TOPAZ1: variants seen among roughly 807,000 people sequenced by gnomAD.
TOPAZ1 encodes the protein testis and ovary specific TOPAZ 1, also known as protein TOPAZ1.
A neutral mutation model predicts 172.2 loss-of-function variants in TOPAZ1; 66 were observed. The ratio of observed to expected loss-of-function variants is 0.38; its 90% CI spans 0.31 to 0.47. The LOEUF (loss-of-function observed/expected upper bound fraction) is 0.47. TOPAZ1 is among the 20% of genes least tolerant of loss of function. The pLI is 0.99. For missense variants in TOPAZ1, 1,822 were observed against 1,972.4 expected (o/e 0.92, Z 1.44); for synonymous variants, 681 against 683.9 (o/e 1.00, Z 0.07).
At chr3:44,302,114 T>G (rs933430785) in intron 12 of TOPAZ1, among the ~76,000 whole-genome samples, 5 of 152,172 alleles carry the variant, frequency 3.3e-5, no homozygotes, top group African/African-American at 1.2e-4. Context: ...CAACATGTAT[T>G]AAAATATCCA....
At chr3:44,292,479 A>T (rs1700148251) in intron 12 of TOPAZ1, among the ~76,000 whole-genome samples, 1 of 152,170 alleles carries the variant, frequency 6.6e-6, no homozygotes, top group Non-Finnish European at 1.5e-5. Flanking sequence ...AACAGATGTT[A>T]ATCTCGCACC....
At chr3:44,303,447 T>C (rs1258294142) in intron 12 of TOPAZ1, among the ~76,000 whole-genome samples, 1 of 151,314 alleles carries the variant, frequency 6.6e-6, no homozygotes, top group Non-Finnish European at 1.5e-5. Context: ...AGATCCTTCC[T>C]TGTGGTTCTG....
In TOPAZ1 at chr3:44,254,937, T is replaced by C; in HGVS notation, c.2766-31T>C. ...GGATAGTTCTGCTTAGAATCTATTA[T>C]AATGTTTAAGCTCTGTTTGCTTTAT... On this transcript the variant is annotated intron_variant, in intron 2 of 19. Transcript: ENST00000309765. 3 of 1,494,382 alleles carry C rather than the reference T, an allele frequency of 2.0e-6. No individual in the cohort carries two copies. The South Asian group carries it at 3.7e-5, about 18-fold the overall frequency. 92.6% of individuals were successfully genotyped at this position (1,494,382 alleles called of 1,614,324 possible).
In TOPAZ1 at chr3:44,292,852, G is replaced by A. The variant is rs1565213; in HGVS notation, c.3797+1966G>A. Reference sequence around the variant, plus strand: ...ATGCTATACATTTCTGTTAACTGTAGTTGCCCTATTGTGCTTTCAAACACA... The same window carrying A: ...ATGCTATACATTTCTGTTAACTGTAATTGCCCTATTGTGCTTTCAAACACA... On this transcript the variant is annotated intron_variant, in intron 12 of 19. Coordinates refer to ENST00000309765, the MANE Select transcript of TOPAZ1 (RefSeq NM_001145030.2). Among the ~76,000 whole-genome samples, 1,352 of 152,236 alleles carry A rather than the reference G, an allele frequency of 8.9e-3. 20 individuals are homozygous for A. The highest frequency in any genetic ancestry group is 0.031 in the African/African-American group (1,305 of 41,530).
chr3:44,259,521 A>ACTATTCATATT (rs1699752318), intron 4 of TOPAZ1, among the ~76,000 whole-genome samples: 1 of 152,204 alleles, frequency 6.6e-6, no homozygotes, highest in African/African-American at 2.4e-5. Context: ...TAATCTAACA[A>ACTATTCATATT]GTCCCACTAT....
chr3:44,266,129 G>T (rs1699827934), intron 5 of TOPAZ1, among the ~76,000 whole-genome samples: 2 of 152,142 alleles, frequency 1.3e-5, no homozygotes, highest in Non-Finnish European at 2.9e-5. Context: ...AACCAATTTT[G>T]CTAGCTTCAT....
chr3:44,279,313 TG>T (rs1160465366), intron 8 of TOPAZ1, among the ~76,000 whole-genome samples: 1 of 152,236 alleles, frequency 6.6e-6, no homozygotes, highest in African/African-American at 2.4e-5. Context: ...TGAAATGTTC[TG>T]TAAATGTCTG....
chr3:44,267,206 A>C, intron 6 of TOPAZ1, 70 bp downstream of exon 6: 1 of 1,281,158 alleles, frequency 7.8e-7, no homozygotes, highest in Non-Finnish European at 1.0e-6. Flanking sequence ...TTTTTCTACC[A>C]AAAACAAAAA....
At chr3:44,271,080 G>A (rs1699891334) in intron 8 of TOPAZ1, among the ~76,000 whole-genome samples, 1 of 152,130 alleles carries the variant, frequency 6.6e-6, no homozygotes, top group African/African-American at 2.4e-5. Flanking sequence ...ATTGGGTGGA[G>A]CAGATTTGGA....
chr3:44,290,165 A>G (rs930572411), intron 11 of TOPAZ1, among the ~76,000 whole-genome samples: 11 of 152,188 alleles, frequency 7.2e-5, no homozygotes, highest in African/African-American at 2.7e-4. Flanking sequence ...GTCATGTAGA[A>G]GAGCTGTCAG....
Position 44,245,249 on chromosome 3 carries a change from A to G in TOPAZ1, c.2743A>G (p.Lys915Glu). The change falls in exon 2 of 20, where the codon AAA becomes GAA. Residue 915 changes from lysine (K) to glutamate (E), a missense_variant. Coordinates refer to ENST00000309765, the MANE Select transcript of TOPAZ1 (RefSeq NM_001145030.2). ...CAAGTACATGGAAACTCCAGTAAAA[A>G]AAGAACCAAGTGATGACTTAAGGTA... ...DSKYMETPVK[K>E]EPSDDLRELP... 6.5e-7 allele frequency: 1 copy of G among 1,540,086 alleles called. No homozygotes were observed.
chr3:44,308,505 A>G (rs746957239), intron 15 of TOPAZ1, among the ~76,000 whole-genome samples: 1 of 151,978 alleles, frequency 6.6e-6, no homozygotes, highest in Non-Finnish European at 1.5e-5. Flanking sequence ...TATGTGCCAC[A>G]TTTTTTTAAT....
intron 4 of TOPAZ1, among the ~76,000 whole-genome samples, chr3:44,257,055 G>T (rs555128880): frequency 6.6e-6 from 1 of 152,190 alleles, no homozygotes; most frequent in African/African-American, 2.4e-5. Context: ...TATGCCGGGT[G>T]CAGTGACTCA....
At chr3:44,271,441 A>G (rs1164641698) in intron 8 of TOPAZ1, among the ~76,000 whole-genome samples, 3 of 152,188 alleles carry the variant, frequency 2.0e-5, no homozygotes, top group African/African-American at 7.2e-5. Flanking sequence ...ATTTGGAAAT[A>G]TACAGATATT....
chr3:44,331,503 T>C (rs1244220460), intron 19 of TOPAZ1, among the ~76,000 whole-genome samples: 1 of 152,102 alleles, frequency 6.6e-6, no homozygotes, highest in African/African-American at 2.4e-5. Flanking sequence ...TTTTTAAATT[T>C]TTTGTAGAGA....
intron 2 of TOPAZ1, among the ~76,000 whole-genome samples, chr3:44,248,958 T>C (rs1221415318): frequency 2.0e-5 from 3 of 152,154 alleles, no homozygotes; most frequent in African/African-American, 7.2e-5. Flanking sequence ...GGAAAGCCCA[T>C]ATTAAAATCT....
intron 8 of TOPAZ1, among the ~76,000 whole-genome samples, chr3:44,280,846 T>C (rs996764): frequency 0.48 from 72,629 of 152,042 alleles, 18,233 homozygotes; most frequent in East Asian, 0.81. Flanking sequence ...GGATTTTCCA[T>C]TGGGCCCCAG....
In TOPAZ1 at chr3:44,290,734, T is replaced by G. The variant is rs1700127888; in HGVS notation, c.3682-37T>G. Reference sequence around the variant, plus strand: ...TTGGCTCCTCAATTCTGTCACATTTTTGTAAGAATAACCACTCTTTCTTTT... The same window carrying G: ...TTGGCTCCTCAATTCTGTCACATTTGTGTAAGAATAACCACTCTTTCTTTT... On this transcript the variant is annotated intron_variant, in intron 11 of 19. Transcript: ENST00000309765. 2.2e-6 allele frequency: 3 copies of G among 1,349,282 alleles called. No homozygotes were observed. In the East Asian group the frequency reaches 7.6e-5, roughly 34 times the overall value. The allele number at this position is 1,349,282 out of a possible 1,614,324, so 83.6% of individuals were successfully genotyped here.
chr3:44,297,293 C>A (rs1475178112), intron 12 of TOPAZ1, among the ~76,000 whole-genome samples: 1 of 151,902 alleles, frequency 6.6e-6, no homozygotes, highest in Non-Finnish European at 1.5e-5. Context: ...AAGAATTATA[C>A]ACCATTATCA....
Sources: allele counts gnomAD v4.1 joint callset (sites outside exome capture counted in the v4.1 genomes callset), GRCh38; gene constraint gnomAD v4.1.1; transcripts MANE v1.5; gene names NCBI Gene and HGNC (gene_info 2026-07-23, HGNC 2026-07-21).